Variants in FMN2 observed in about 807,000 individuals in gnomAD.
The protein encoded by FMN2 is formin-2.
FMN2 carries 51 observed loss-of-function variants against 142.3 expected under a neutral mutation model. The ratio of observed to expected loss-of-function variants is 0.36; its 90% CI spans 0.29 to 0.45. The LOEUF is 0.45. Ranked by LOEUF, FMN2 falls within the 20% of genes least tolerant of loss-of-function variation. FMN2 has a pLI of 1.00. For missense variants in FMN2, 1,936 were observed against 2,122.8 expected (o/e 0.91, Z 1.73); for synonymous variants, 882 against 869.8 (o/e 1.01, Z -0.25).
chr1:240,450,596 C>T (rs1039441897), intron 16 of FMN2, among the ~76,000 whole-genome samples: 1 of 152,214 alleles, frequency 6.6e-6, no homozygotes, highest in Non-Finnish European at 1.5e-5. Flanking sequence ...TTATAGAGGT[C>T]GCTCCCTTCC....
chr1:240,422,038 A>G (rs541142002), intron 15 of FMN2, among the ~76,000 whole-genome samples: 2 of 152,230 alleles, frequency 1.3e-5, no homozygotes, highest in South Asian at 2.1e-4. Flanking sequence ...GGAGAGAGCC[A>G]CCTACTCCTC....
intron 14 of FMN2, among the ~76,000 whole-genome samples, chr1:240,359,256 A>G (rs968780289): frequency 1.6e-4 from 25 of 152,246 alleles, no homozygotes; most frequent in African/African-American, 6.0e-4. Context: ...TAGCACAAAT[A>G]AATGCCAAAT....
chr1:240,296,438 C>CTTTTTTTTT (rs772711130), intron 8 of FMN2, among the ~76,000 whole-genome samples: 4 of 46,916 alleles, frequency 8.5e-5, no homozygotes, highest in Admixed American at 3.2e-4. Flanking sequence ...TCTTTGAGTG[C>CTTTTTTTTT]TTTTTTTTTT....
intron 6 of FMN2, among the ~76,000 whole-genome samples, chr1:240,249,218 AT>A (rs1668193361): frequency 6.6e-6 from 1 of 151,956 alleles, no homozygotes; most frequent in African/African-American, 2.4e-5. Flanking sequence ...CTTCTAGTAG[AT>A]TTATAGTTTC....
intron 6 of FMN2, 137 bp from the exon 7 acceptor site, chr1:240,257,808 C>G: frequency 1.5e-6 from 1 of 670,124 alleles, no homozygotes; most frequent in Non-Finnish European, 2.5e-6. Context: ...TTAAAAAAAA[C>G]ACTGTTTTGA....
intron 14 of FMN2, among the ~76,000 whole-genome samples, chr1:240,378,667 G>C (rs1169801276): frequency 6.6e-6 from 1 of 151,956 alleles, no homozygotes; most frequent in African/African-American, 2.4e-5. Context: ...TCCTTTATGT[G>C]CTTCAGTTGG....
chr1:240,139,578 A>C (rs1663092740), intron 2 of FMN2, among the ~76,000 whole-genome samples: 1 of 152,242 alleles, frequency 6.6e-6, no homozygotes, highest in Non-Finnish European at 1.5e-5. Flanking sequence ...CAAAAAAACA[A>C]GATATTTTTT....
intron 16 of FMN2, among the ~76,000 whole-genome samples, chr1:240,465,520 T>C (rs1676587467): frequency 1.3e-5 from 2 of 152,146 alleles, no homozygotes; most frequent in South Asian, 4.1e-4. Flanking sequence ...CTGCTTTTTG[T>C]TTACTGTTAG....
At chr1:240,298,399 C>T (rs1670068053) in intron 8 of FMN2, among the ~76,000 whole-genome samples, 1 of 152,144 alleles carries the variant, frequency 6.6e-6, no homozygotes, top group South Asian at 2.1e-4. Flanking sequence ...GTTGTTTTAT[C>T]CACAGCAATA....
chr1:240,293,181 T>G (rs1669850580), intron 7 of FMN2, among the ~76,000 whole-genome samples: 1 of 152,072 alleles, frequency 6.6e-6, no homozygotes, highest in Admixed American at 6.6e-5. Context: ...GGAAAACTTG[T>G]GGGTATAATA....
At chr1:240,182,639 C>T (rs906132225) in intron 3 of FMN2, among the ~76,000 whole-genome samples, 12 of 151,818 alleles carry the variant, frequency 7.9e-5, no homozygotes, top group South Asian at 2.1e-4. Flanking sequence ...ATAGATCAAA[C>T]GAAAAGGAAT....
chr1:240,145,127 C>T (rs966407270), intron 2 of FMN2: 14 of 1,485,076 alleles, frequency 9.4e-6, no homozygotes, highest in African/African-American at 2.8e-5. Context: ...TGTAGAAGAA[C>T]GAATCTGCCT....
At chr1:240,190,386 G>T (rs191081794) in intron 4 of FMN2, among the ~76,000 whole-genome samples, 1 of 152,074 alleles carries the variant, frequency 6.6e-6, no homozygotes, top group Non-Finnish European at 1.5e-5. Context: ...TTTATTTTAC[G>T]GGCTGATTCT....
intron 4 of FMN2, among the ~76,000 whole-genome samples, chr1:240,192,397 A>T (rs1665731933): frequency 6.6e-6 from 1 of 152,216 alleles, no homozygotes; most frequent in African/African-American, 2.4e-5. Context: ...AAGCCATTTG[A>T]ATTGGGGTAG....
intron 15 of FMN2, among the ~76,000 whole-genome samples, chr1:240,427,428 A>T (rs1674995397): frequency 1.3e-5 from 2 of 151,752 alleles, no homozygotes; most frequent in South Asian, 4.2e-4. Flanking sequence ...GATGGTCTCC[A>T]TCTCCTGACC....
chr1:240,370,995 G>A (rs1043070983), intron 14 of FMN2, among the ~76,000 whole-genome samples: 5 of 152,196 alleles, frequency 3.3e-5, no homozygotes, highest in African/African-American at 1.2e-4. Flanking sequence ...CTGGAATACA[G>A]TGGCGGGATC....
rs1224405336 is a variant in FMN2, at chr1:240,257,936, C to G, written c.4066-9C>G. 3.7e-6 allele frequency: 6 copies of G among 1,610,640 alleles called. No individual in the cohort carries two copies. The highest frequency in any genetic ancestry group is 1.3e-5 in the African/African-American group (1 of 74,802). On this transcript the variant is annotated splice_polypyrimidine_tract_variant and intron_variant, in intron 6 of 17. Coordinates refer to ENST00000319653, the MANE Select transcript of FMN2 (RefSeq NM_020066.5). Reference sequence around the variant, plus strand: ...AACATTTTCCCCTTTTACTTTCTTTCTCGAGCAGGTTGTCAAGTTATTAAG... The same window carrying G: ...AACATTTTCCCCTTTTACTTTCTTTGTCGAGCAGGTTGTCAAGTTATTAAG...
intron 1 of FMN2, among the ~76,000 whole-genome samples, chr1:240,112,135 CTTTTT>C (rs869282410): frequency 1.4e-5 from 2 of 138,606 alleles, no homozygotes; most frequent in Admixed American, 1.5e-4. Context: ...CCTGCATTTT[CTTTTT>C]TTTTTTTTTT....
At chr1:240,128,090 A>G (rs1662585947) in intron 2 of FMN2, among the ~76,000 whole-genome samples, 1 of 152,158 alleles carries the variant, frequency 6.6e-6, no homozygotes, top group Non-Finnish European at 1.5e-5. Context: ...TGGGAGGAGG[A>G]TATAAGGATA....
Sources: allele counts gnomAD v4.1 joint callset (sites outside exome capture counted in the v4.1 genomes callset), GRCh38; gene constraint gnomAD v4.1.1; transcripts MANE v1.5; gene names NCBI Gene and HGNC (gene_info 2026-07-23, HGNC 2026-07-21).